The following CCDC149 variants were observed in gnomAD, a reference collection of about 807,000 sequenced individuals.
CCDC149 encodes coiled-coil domain containing 149, also known as coiled-coil domain-containing protein 149.
Under a neutral mutation model 59.9 loss-of-function variants are expected in CCDC149, and 45 were observed. The observed-to-expected ratio is 0.75, with a 90% CI of 0.59 to 0.96. The LOEUF (loss-of-function observed/expected upper bound fraction) is 0.96, where lower values mean the gene tolerates loss of function less well. Among genes scored for constraint, CCDC149 ranks in the 40% least tolerant of loss-of-function variants. The pLI is 0.00. For synonymous variants in CCDC149, 245 were observed against 260.6 expected (o/e 0.94, Z 0.58); for missense variants, 584 against 664.7 (o/e 0.88, Z 1.33).
At chr4:24,979,037 T>G (rs948744172) in intron 1 of CCDC149, among the ~76,000 whole-genome samples, 3 of 152,094 alleles carry the variant, frequency 2.0e-5, no homozygotes, top group African/African-American at 7.2e-5. Context: ...CAGGGAACAC[T>G]TTGAGAGAGC....
chr4:24,951,315 G>A (rs1420570691), intron 1 of CCDC149, among the ~76,000 whole-genome samples: 1 of 152,210 alleles, frequency 6.6e-6, no homozygotes, highest in African/African-American at 2.4e-5. Context: ...AAACTTCAGG[G>A]TGGACAGCGT....
chr4:24,944,140 G>C (rs2109350363), intron 1 of CCDC149, among the ~76,000 whole-genome samples: 1 of 152,208 alleles, frequency 6.6e-6, no homozygotes, highest in East Asian at 1.9e-4. Flanking sequence ...ACAAAGACTT[G>C]GAACCAACCC....
rs80324611 is a variant in CCDC149 at position 24,865,509 on chromosome 4, G to A, written c.264+8172C>T. Among the ~76,000 whole-genome samples the A allele has an allele frequency of 9.2e-4, 140 of 152,220 alleles. 2 individuals carry two copies. In the East Asian group the frequency reaches 0.023, roughly 25 times the overall value. ...CCAAAGTGATGACCTTTGCTATAGCGACAGCTTTCTTAGTTACAAAAAGAA... is the reference window on the plus strand; with the variant it reads ...CCAAAGTGATGACCTTTGCTATAGCAACAGCTTTCTTAGTTACAAAAAGAA... On this transcript the variant is annotated intron_variant, in intron 3 of 12. Coordinates refer to ENST00000635206, the MANE Select transcript of CCDC149 (RefSeq NM_001330643.2).
chr4:24,822,428 G>T, intron 10 of CCDC149, 69 bp downstream of exon 10: 2 of 983,200 alleles, frequency 2.0e-6, no homozygotes, highest in Non-Finnish European at 2.9e-6. Context: ...TGTAAATTAC[G>T]TGGGAGCTTC....
Position 24,912,900 on chromosome 4 carries a change from C to T in CCDC149, c.-21G>A, listed in dbSNP as rs1379790995. On this transcript the variant is annotated 5_prime_UTR_variant, in exon 1 of 13. Transcript: ENST00000635206. ...TCCATGCGCTGGCCGGCCTCCTGGA[C>T]CCCCGCCGCCTCCTCCTCCTCGCGA... 4 of 1,305,784 alleles carry T rather than the reference C, an allele frequency of 3.1e-6. 1 individual carries two copies. Among genetic ancestry groups the T allele is most frequent in the South Asian group, 1.6e-5 (1 of 61,658 alleles). The allele number at this position is 1,305,784 out of a possible 1,614,324, so 80.9% of individuals were successfully genotyped here.
chr4:24,962,912 A>T (rs1723679789), intron 1 of CCDC149, among the ~76,000 whole-genome samples: 1 of 127,008 alleles, frequency 7.9e-6, no homozygotes, highest in African/African-American at 2.7e-5. Context: ...AAAAATAAAT[A>T]AAATCTTTGT....
chr4:24,915,403 T>G (rs928130117), upstream of CCDC149, among the ~76,000 whole-genome samples: 1 of 152,218 alleles, frequency 6.6e-6, no homozygotes, highest in Admixed American at 6.5e-5. Context: ...TTTCCACAGT[T>G]AGCTGAGCCC....
At chr4:24,825,364 T>C (rs185280652) in intron 9 of CCDC149, among the ~76,000 whole-genome samples, 5 of 152,314 alleles carry the variant, frequency 3.3e-5, no homozygotes, top group Admixed American at 1.3e-4. Context: ...CAACAACTGA[T>C]GCGTCAGCTC....
At chr4:24,973,824 T>G (rs1724056687) in intron 1 of CCDC149, among the ~76,000 whole-genome samples, 2 of 152,222 alleles carry the variant, frequency 1.3e-5, no homozygotes, top group African/African-American at 4.8e-5. Context: ...TGAGAGCTGC[T>G]TCTTAACCAG....
chr4:24,941,382 G>A (rs1379769574), intron 1 of CCDC149, among the ~76,000 whole-genome samples: 1 of 152,152 alleles, frequency 6.6e-6, no homozygotes, highest in African/African-American at 2.4e-5. Flanking sequence ...GAATCTCTGG[G>A]ACACATTCAA....
At chr4:24,962,570 C>T (rs933894886) in intron 1 of CCDC149, among the ~76,000 whole-genome samples, 4 of 152,166 alleles carry the variant, frequency 2.6e-5, no homozygotes, top group Non-Finnish European at 4.4e-5. Context: ...ATGATGAGTT[C>T]ATGTCCTTTG....
intron 1 of CCDC149, among the ~76,000 whole-genome samples, chr4:24,961,777 A>T (rs1201349561): frequency 6.6e-6 from 1 of 152,208 alleles, no homozygotes; most frequent in East Asian, 1.9e-4. Flanking sequence ...CTGAAACTGG[A>T]TCCCTTCCTT....
chr4:24,964,196 A>T (rs1353804794), intron 1 of CCDC149, among the ~76,000 whole-genome samples: 2 of 30,646 alleles, frequency 6.5e-5, no homozygotes, highest in Non-Finnish European at 1.3e-4. Flanking sequence ...CCTATCTAAA[A>T]AAAAAAAAAA....
At position 24,861,249 on chromosome 4, in the gene CCDC149, T is replaced by TGA. The variant is rs1349326240; in HGVS notation, c.265-8072_265-8071dup. ...AATCAATGAGCGAATAAATAATATG[T>TGA]GATATATATATATGCACACACACAC... On this transcript the variant is annotated intron_variant, in intron 3 of 12. Coordinates refer to ENST00000635206, the MANE Select transcript of CCDC149 (RefSeq NM_001330643.2). 8.0e-4 allele frequency among the ~76,000 whole-genome samples: 22 copies of TGA among 27,594 alleles called. No individual in the cohort carries two copies. The South Asian group carries it at 0.029, about 36-fold the overall frequency. The allele number at this position is 27,594 out of a possible 152,430, so 18.1% of individuals were successfully genotyped here. A position where few individuals can be genotyped will look rare whatever the true frequency, so the allele number is the denominator to read the frequency against.
At chr4:24,821,667 G>C (rs1415206631) in intron 10 of CCDC149, among the ~76,000 whole-genome samples, 4 of 152,238 alleles carry the variant, frequency 2.6e-5, no homozygotes, top group African/African-American at 4.8e-5. Context: ...GGATGAAGGA[G>C]ACTGGTTTGT....
intron 1 of CCDC149, among the ~76,000 whole-genome samples, chr4:24,892,385 T>C (rs976206423): frequency 6.6e-6 from 1 of 152,286 alleles, no homozygotes; most frequent in Non-Finnish European, 1.5e-5. Flanking sequence ...GTAACTGGCA[T>C]GCAGCTGCCA....
intron 1 of CCDC149, among the ~76,000 whole-genome samples, chr4:24,955,265 G>T (rs1386191894): frequency 6.6e-6 from 1 of 152,134 alleles, no homozygotes; most frequent in Non-Finnish European, 1.5e-5. Flanking sequence ...ACAGCAGAAG[G>T]CAGAAGGGCA....
chr4:24,837,547 G>A lies in CCDC149; in HGVS notation c.490-147C>T. ...CCTAAAGCCATAAGCGCCACACACT[G>A]AAATACAATAACAGCTAAAAGCGAG... On this transcript the variant is annotated intron_variant, in intron 5 of 12. Transcript: ENST00000635206. The surrounding 1 kb of genome is among the most constrained non-coding windows in gnomAD (Gnocchi z 4.3). 1 of 662,474 alleles carries A rather than the reference G, an allele frequency of 1.5e-6. No individual in the cohort carries two copies. The highest frequency in any genetic ancestry group is 2.7e-5 in the East Asian group (1 of 36,742). 41.0% of individuals were successfully genotyped at this position (662,474 alleles called of 1,614,324 possible).
At chr4:24,848,816 G>A (rs187283098) in intron 4 of CCDC149, among the ~76,000 whole-genome samples, 11 of 152,178 alleles carry the variant, frequency 7.2e-5, no homozygotes, top group African/African-American at 2.2e-4. Flanking sequence ...TTTTGCTGCC[G>A]CACCTCAAAC....
Sources: gnomAD v4.1 joint callset for allele counts (sites outside exome capture counted in the v4.1 genomes callset) on GRCh38, gnomAD v4.1.1 for gene constraint, Gnocchi (gnomAD v3.1) non-coding constraint, MANE v1.5 for transcripts, NCBI Gene and HGNC (gene_info 2026-07-23, HGNC 2026-07-21) for gene names.